The following ARMC2 variants were observed in gnomAD, a reference collection of about 807,000 sequenced individuals.
The protein encoded by ARMC2 is armadillo repeat containing 2.
ARMC2 carries 67 observed loss-of-function variants against 90.3 expected under a neutral mutation model. That is an observed-to-expected ratio of 0.74 (90% CI 0.61 to 0.91). ARMC2 has a LOEUF of 0.91. Among genes scored for constraint, ARMC2 ranks in the 40% least tolerant of loss-of-function variants. The pLI is 0.00. For synonymous variants in ARMC2, 393 were observed against 393.0 expected (o/e 1.00, Z 0.00); for missense variants, 920 against 1,030.9 (o/e 0.89, Z 1.47).
rs201537446 is a variant in ARMC2 at position 108,912,295 on chromosome 6, G to T, written c.1127-40G>T. 161 of 1,428,362 alleles carry T rather than the reference G, an allele frequency of 1.1e-4. No homozygotes were observed. In the African/African-American group the frequency reaches 2.2e-3, roughly 20 times the overall value. The allele number at this position is 1,428,362 out of a possible 1,614,324, so 88.5% of individuals were successfully genotyped here. A position where few individuals can be genotyped will look rare whatever the true frequency, so the allele number is the denominator to read the frequency against. On this transcript the variant is annotated intron_variant, in intron 9 of 17. Coordinates refer to ENST00000392644, the MANE Select transcript of ARMC2 (RefSeq NM_032131.6). ...TGCTTTAATATATTTCTCTCCAGCTGTTATACTCAGACATTTATAATAATT... is the reference window on the plus strand; with the variant it reads ...TGCTTTAATATATTTCTCTCCAGCTTTTATACTCAGACATTTATAATAATT...
At chr6:108,993,156 T>C in the ARMC2 span, 1 of 355,694 alleles carries the variant, frequency 2.8e-6, no homozygotes. Context: ...ATCCTTTCTC[T>C]CTCCTCCCAT....
intron 11 of ARMC2, among the ~76,000 whole-genome samples, chr6:108,934,593 A>G (rs1775814947): frequency 6.6e-6 from 1 of 152,166 alleles, no homozygotes; most frequent in Admixed American, 6.5e-5. Context: ...GAAAAGTTTT[A>G]AAAACTTGCT....
At chr6:108,971,776 C>G (rs1328129602) in intron 17 of ARMC2, among the ~76,000 whole-genome samples, 2 of 152,054 alleles carry the variant, frequency 1.3e-5, no homozygotes, top group African/African-American at 2.4e-5. Flanking sequence ...AAAAAATTAG[C>G]TGGGTGTGGT....
the ARMC2 span, chr6:109,008,672 A>G: frequency 1.8e-6 from 1 of 570,290 alleles, no homozygotes. Flanking sequence ...GTTTTACCTA[A>G]GGTTACATTA....
chr6:108,872,882 G>T (rs1186638326), intron 4 of ARMC2, among the ~76,000 whole-genome samples: 1 of 152,132 alleles, frequency 6.6e-6, no homozygotes, highest in Non-Finnish European at 1.5e-5. Flanking sequence ...AATAGGTCAG[G>T]GAAACACTGC....
chr6:108,985,062 T>G, the ARMC2 span, among the ~76,000 whole-genome samples: 2 of 152,324 alleles, frequency 1.3e-5, no homozygotes, highest in South Asian at 4.1e-4. Context: ...ATGATTCATA[T>G]ATGATATTCA....
At chr6:108,989,451 C>A in the ARMC2 span, among the ~76,000 whole-genome samples, 2 of 148,286 alleles carry the variant, frequency 1.3e-5, no homozygotes, top group African/African-American at 2.6e-5. Flanking sequence ...AGATACATCT[C>A]TATATCTAGA....
intron 5 of ARMC2, among the ~76,000 whole-genome samples, chr6:108,881,906 G>A (rs932625295): frequency 1.3e-5 from 2 of 152,102 alleles, no homozygotes; most frequent in Non-Finnish European, 2.9e-5. Context: ...ACCTCCGTTC[G>A]CTCTCTCTAT....
intron 2 of ARMC2, 148 bp downstream of exon 2, chr6:108,854,633 A>T: frequency 1.3e-6 from 1 of 745,240 alleles, no homozygotes. Flanking sequence ...GAAGGTACAG[A>T]GATTTCCCAT....
At chr6:108,944,509 T>G (rs1236653495) in intron 12 of ARMC2, among the ~76,000 whole-genome samples, 1 of 152,184 alleles carries the variant, frequency 6.6e-6, no homozygotes, top group Admixed American at 6.5e-5. Flanking sequence ...CTCAGGACCC[T>G]TAGAGCCGCC....
intron 12 of ARMC2, among the ~76,000 whole-genome samples, chr6:108,946,878 C>T (rs770534937): frequency 7.2e-5 from 11 of 152,048 alleles, no homozygotes; most frequent in Non-Finnish European, 1.0e-4. Flanking sequence ...TTTTAAGGTA[C>T]GGGAGGAAGG....
At chr6:108,982,355 T>C in the ARMC2 span, among the ~76,000 whole-genome samples, 1 of 152,140 alleles carries the variant, frequency 6.6e-6, no homozygotes, top group Non-Finnish European at 1.5e-5. Flanking sequence ...GAGAGAGAGA[T>C]CATCTCTCAC....
At chr6:108,897,279 A>G (rs1039406697) in intron 6 of ARMC2, among the ~76,000 whole-genome samples, 1 of 152,206 alleles carries the variant, frequency 6.6e-6, no homozygotes, top group Non-Finnish European at 1.5e-5. Context: ...TACCATATTG[A>G]CTTTCTAAAA....
intron 8 of ARMC2, among the ~76,000 whole-genome samples, chr6:108,905,741 C>T (rs1176830640): frequency 6.6e-6 from 1 of 152,160 alleles, no homozygotes; most frequent in Non-Finnish European, 1.5e-5. Flanking sequence ...TTGAACTAAA[C>T]ATATGATTAG....
chr6:108,994,229 T>C, the ARMC2 span, among the ~76,000 whole-genome samples: 6 of 151,694 alleles, frequency 4.0e-5, no homozygotes, highest in Non-Finnish European at 8.8e-5. Flanking sequence ...TTAGAAGTAA[T>C]TTTAGTGCCA....
At chr6:109,022,777 C>A in the ARMC2 span, among the ~76,000 whole-genome samples, 1 of 152,054 alleles carries the variant, frequency 6.6e-6, no homozygotes, top group Non-Finnish European at 1.5e-5. Context: ...TACATGCTAT[C>A]TTCATTTTAG....
chr6:108,919,002 T>C (rs1488188606), intron 10 of ARMC2, among the ~76,000 whole-genome samples: 1 of 152,178 alleles, frequency 6.6e-6, no homozygotes, highest in African/African-American at 2.4e-5. Context: ...TGATAAGCAA[T>C]GTAGAGAAGA....
intron 13 of ARMC2, among the ~76,000 whole-genome samples, chr6:108,953,691 A>G (rs1031793428): frequency 2.0e-5 from 3 of 152,254 alleles, no homozygotes; most frequent in African/African-American, 7.2e-5. Context: ...CTAACCACAA[A>G]GAGTTTAAAA....
the ARMC2 span, chr6:109,001,174 A>G: frequency 1.0e-5 from 9 of 876,412 alleles, no homozygotes; most frequent in Non-Finnish European, 1.6e-5. Context: ...TGCAACAGGA[A>G]TCATATTATA....
Sources: allele counts gnomAD v4.1 joint callset (sites outside exome capture counted in the v4.1 genomes callset), GRCh38; gene constraint gnomAD v4.1.1; transcripts MANE v1.5; gene names NCBI Gene and HGNC (gene_info 2026-07-23, HGNC 2026-07-21).